The following PSD4 variants were observed in gnomAD, a reference collection of about 807,000 sequenced individuals.
PSD4 encodes PH and SEC7 domain-containing protein 4.
PSD4 carries 59 observed loss-of-function variants against 112.5 expected under a neutral mutation model. That is an observed-to-expected ratio of 0.52 (90% CI 0.43 to 0.65). The LOEUF is 0.65. PSD4 is among the 30% of genes least tolerant of loss of function. The pLI, the probability that PSD4 is intolerant of heterozygous loss-of-function variation, is 0.00. For synonymous variants in PSD4, 533 were observed against 540.0 expected (o/e 0.99, Z 0.18); for missense variants, 1,267 against 1,352.6 (o/e 0.94, Z 0.99).
intron 1 of PSD4, among the ~76,000 whole-genome samples, chr2:113,180,332 G>A (rs1688094660): frequency 6.6e-6 from 1 of 152,220 alleles, no homozygotes; most frequent in Non-Finnish European, 1.5e-5. Flanking sequence ...CAGGACGAGG[G>A]TTTGAGCTGC....
At position 113,207,885 on chromosome 2, in the gene PSD4, A is replaced by G. The variant is rs1688885257; in HGVS notation, c.*6470A>G. The stretch of plus-strand genomic sequence containing the variant: ...TAGAGTCGAAAGAATGCACATCTCA[A>G]AACTATGTCCTGGTTCTTTTTCTAC... On this transcript the variant is annotated 3_prime_UTR_variant, in exon 17 of 17. Coordinates refer to ENST00000245796, the MANE Select transcript of PSD4 (RefSeq NM_012455.3). 1 of 152,052 alleles carries G rather than the reference A, an allele frequency of 6.6e-6. No individual in the cohort carries two copies. Among genetic ancestry groups the G allele is most frequent in the Non-Finnish European group, 1.5e-5 (1 of 68,026 alleles). The allele number at this position is 152,052 out of a possible 1,614,324, so 9.4% of individuals were successfully genotyped here.
At chr2:113,184,351 G>A (rs1242858776) in intron 2 of PSD4, among the ~76,000 whole-genome samples, 1 of 151,148 alleles carries the variant, frequency 6.6e-6, no homozygotes, top group Non-Finnish European at 1.5e-5. Context: ...GGCTGTGCCT[G>A]TGGAGGTCCA....
chr2:113,188,741 C>T (rs562961378), intron 5 of PSD4, among the ~76,000 whole-genome samples: 6 of 152,108 alleles, frequency 3.9e-5, no homozygotes, highest in African/African-American at 1.2e-4. Flanking sequence ...CCACTGCGCC[C>T]GGCTAATTTT....
intron 12 of PSD4, chr2:113,197,169 T>C (rs1688636496): frequency 9.0e-6 from 3 of 332,522 alleles, no homozygotes; most frequent in Non-Finnish European, 1.8e-5. Context: ...CTTGAGCCCC[T>C]CTAGATGGGT....
Position 113,193,291 on chromosome 2 carries a change from G to T in PSD4, c.1953G>T (p.Glu651Asp). The change falls in exon 8 of 17, where the codon GAG becomes GAT. Residue 651 changes from glutamate (E) to aspartate (D), a missense_variant. This residue lies in a region of PSD4 where 544 missense variants were observed against 648.6 expected (regional missense o/e 0.84). Coordinates refer to ENST00000245796, the MANE Select transcript of PSD4 (RefSeq NM_012455.3). ...SFLQALVLSGETQERERILYQ... is the reference protein window; with the variant it reads ...SFLQALVLSGDTQERERILYQ... Reference sequence around the variant, plus strand: ...TCCAGGCCTTGGTGCTCAGTGGGGAGACTCAGGAACGGGAGCGAATCCTCT... The same window carrying T: ...TCCAGGCCTTGGTGCTCAGTGGGGATACTCAGGAACGGGAGCGAATCCTCT... The T allele has an allele frequency of 6.3e-7, 1 of 1,594,516 alleles. No homozygotes were observed. Among genetic ancestry groups the T allele is most frequent in the Non-Finnish European group, 8.5e-7 (1 of 1,173,050 alleles).
At chr2:113,192,347 C>G (rs761950955) in intron 5 of PSD4, 33 bp from the exon 6 acceptor site, 1 of 1,604,518 alleles carries the variant, frequency 6.2e-7, no homozygotes, top group Middle Eastern at 1.7e-4. Context: ...TGCAAGAACA[C>G]TTGACCCAGA....
At position 113,185,405 on chromosome 2, in the gene PSD4, T is replaced by C. The variant is rs1197855520; in HGVS notation, c.1214T>C (p.Phe405Ser). The C allele has an allele frequency of 6.2e-7, 1 of 1,614,168 alleles. No homozygotes were observed. Residue 405 changes from phenylalanine (F) to serine (S), a missense_variant, in exon 4 of 17, where the codon TTT becomes TCT. By Grantham distance (155) the Phe-to-Ser change is radical. This residue lies in a region of PSD4 where 723 missense variants were observed against 704.0 expected (regional missense o/e 1.03). Transcript: ENST00000245796. Reference sequence around the variant, plus strand: ...GAGGGCTGGCAGAGAGGAGGTCCTTTTTGGCCCCAGGTGACTCTTAACTCC... The same window carrying C: ...GAGGGCTGGCAGAGAGGAGGTCCTTCTTGGCCCCAGGTGACTCTTAACTCC... ...SPEGWQRGGP[F>S]WPQVTLNSQD...
At chr2:113,180,698 G>A (rs545856564) in intron 1 of PSD4, among the ~76,000 whole-genome samples, 1 of 151,480 alleles carries the variant, frequency 6.6e-6, no homozygotes, top group East Asian at 1.9e-4. Flanking sequence ...CATCTTTCAG[G>A]TGCGAGGTTG....
At position 113,179,312 on chromosome 2, in the gene PSD4, A is replaced by G. The variant is rs553252908; in HGVS notation, c.-111-3034A>G. Among the ~76,000 whole-genome samples the G allele has an allele frequency of 3.3e-5, 5 of 152,290 alleles. No individual in the cohort carries two copies. In the South Asian group the frequency reaches 1.0e-3, roughly 32 times the overall value. On this transcript the variant is annotated intron_variant, in intron 1 of 16. Transcript: ENST00000245796. The stretch of plus-strand genomic sequence containing the variant: ...GGTATGGACTTAAGGAGTAAACCAT[A>G]CAAATCCTCTGCCTGTTACCTGGAG...
In PSD4 at chr2:113,196,264, C is replaced by T. The variant is rs2104507138; in HGVS notation, c.2343C>T (p.Gly781=). 2 of 1,613,900 alleles carry T rather than the reference C, an allele frequency of 1.2e-6. No individual in the cohort carries two copies. Among genetic ancestry groups the T allele is most frequent in the Non-Finnish European group, 1.7e-6 (2 of 1,179,784 alleles). Residue 781 remains glycine, a synonymous_variant, in exon 12 of 17, where the codon GGC becomes GGT. Transcript: ENST00000245796. The stretch of plus-strand genomic sequence containing the variant: ...CCACAGTGCCCACCTACAAGCAGGG[C>T]ATCCTGGCTCGGAAAATGCATCAAG... The part of the protein sequence containing the change: ...QDPTVPTYKQ[G]ILARKMHQDA...
At chr2:113,183,534 A>G in intron 2 of PSD4, 22 bp downstream of exon 2, 1 of 1,521,400 alleles carries the variant, frequency 6.6e-7, no homozygotes. Flanking sequence ...CTTGGGAACC[A>G]ACCGGGGCTG....
rs2305135 is a variant in PSD4 at position 113,185,663 on chromosome 2, A to G, written c.1250-214A>G. 202 of 1,547,766 alleles carry G rather than the reference A, an allele frequency of 1.3e-4. 1 individual carries two copies. The East Asian group carries it at 4.2e-3, about 32-fold the overall frequency. ...TACCGCTGGGTCTTAATGGTTTAGCAAAGGTCCTGAGCCCTTAGTTGCCTG... is the reference window on the plus strand; with the variant it reads ...TACCGCTGGGTCTTAATGGTTTAGCGAAGGTCCTGAGCCCTTAGTTGCCTG... On this transcript the variant is annotated intron_variant, in intron 4 of 16. Coordinates refer to ENST00000245796, the MANE Select transcript of PSD4 (RefSeq NM_012455.3).
intron 5 of PSD4, among the ~76,000 whole-genome samples, chr2:113,189,719 G>A (rs2104501325): frequency 6.6e-6 from 1 of 152,270 alleles, no homozygotes; most frequent in East Asian, 1.9e-4. Context: ...GCAGGAGTCA[G>A]GTGTTATTGC....
chr2:113,198,857 G>A lies in PSD4; in HGVS notation c.2742G>A (p.Leu914=), dbSNP rs997791891. The part of the protein sequence containing the change: ...GSQRRFVRPI[L]PVGPAQSSLE... Reference sequence around the variant, plus strand: ...AGCGCAGATTCGTGCGGCCCATCCTGCCCGTGGGCCCCGCCCAGAGCTCCC... The same window carrying A: ...AGCGCAGATTCGTGCGGCCCATCCTACCCGTGGGCCCCGCCCAGAGCTCCC... The change falls in exon 15 of 17, where the codon CTG becomes CTA. Residue 914 remains leucine, a synonymous_variant. Transcript: ENST00000245796. The A allele has an allele frequency of 1.2e-5, 19 of 1,595,798 alleles. No individual in the cohort carries two copies. In the African/African-American group the frequency reaches 2.5e-4, roughly 21 times the overall value.
intron 12 of PSD4, among the ~76,000 whole-genome samples, chr2:113,196,820 TGTGTGAAAGGGAG>T (rs1688626610): frequency 6.6e-6 from 1 of 151,816 alleles, no homozygotes; most frequent in African/African-American, 2.4e-5. Flanking sequence ...GAACATGGGG[TGTGTGAAAGGGAG>T]GTACACTTGA....
At chr2:113,189,769 G>A (rs1192388081) in intron 5 of PSD4, among the ~76,000 whole-genome samples, 1 of 152,172 alleles carries the variant, frequency 6.6e-6, no homozygotes, top group East Asian at 1.9e-4. Context: ...CATTAGTGAT[G>A]TTGAGCATTT....
At position 113,201,396 on chromosome 2, in the gene PSD4, G is replaced by C; in HGVS notation, c.3152G>C (p.Arg1051Pro). The C allele has an allele frequency of 6.2e-7, 1 of 1,613,966 alleles. No individual in the cohort carries two copies. Among genetic ancestry groups the C allele is most frequent in the Non-Finnish European group, 8.5e-7 (1 of 1,180,014 alleles). The stretch of plus-strand genomic sequence containing the variant: ...ACCTACCGGAAGATCATCCCTAAGC[G>C]GAACCGCAATCAGCTGTGAAGCCAG... ...RRTYRKIIPKRNRNQL is the reference protein window; with the variant it reads ...RRTYRKIIPKPNRNQL Residue 1051 changes from arginine (R) to proline (P), a missense_variant, in exon 17 of 17, where the codon CGG (arginine) becomes CCG (proline). By Grantham distance (103) the Arg-to-Pro change is moderately radical. Coordinates refer to ENST00000245796, the MANE Select transcript of PSD4 (RefSeq NM_012455.3).
chr2:113,201,477 T>C lies in PSD4; in HGVS notation c.*62T>C, dbSNP rs1688778428. The C allele has an allele frequency of 6.3e-7, 1 of 1,579,526 alleles. No individual in the cohort carries two copies. The highest frequency in any genetic ancestry group is 1.3e-5 in the African/African-American group (1 of 74,410). ...AGGGTAGACCTGAGATGAACCTCCCTGGAGGAGACTTATTTCAATGAGTCC... is the reference window on the plus strand; with the variant it reads ...AGGGTAGACCTGAGATGAACCTCCCCGGAGGAGACTTATTTCAATGAGTCC... On this transcript the variant is annotated 3_prime_UTR_variant, in exon 17 of 17. Transcript: ENST00000245796.
In PSD4 at chr2:113,205,706, G is replaced by A. The variant is rs1310777499; in HGVS notation, c.*4291G>A. ...TCAGAATATGGCCTGCAAATGCACT[G>A]TACTATTTGTGTAACTTATATGTAA... On this transcript the variant is annotated 3_prime_UTR_variant, in exon 17 of 17. Transcript: ENST00000245796. 6.6e-6 allele frequency: 1 copy of A among 152,128 alleles called. No individual in the cohort carries two copies. Among genetic ancestry groups the A allele is most frequent in the Non-Finnish European group, 1.5e-5 (1 of 68,028 alleles). 9.4% of individuals were successfully genotyped at this position (152,128 alleles called of 1,614,324 possible).
Sources: allele counts gnomAD v4.1 joint callset (sites outside exome capture counted in the v4.1 genomes callset), GRCh38; gene constraint gnomAD v4.1.1; regional missense constraint gnomAD v4.1.1; transcripts MANE v1.5; gene names NCBI Gene and HGNC (gene_info 2026-07-23, HGNC 2026-07-21).